The following NRG1 variants were observed in gnomAD, a reference collection of about 807,000 sequenced individuals.
NRG1 encodes pro-neuregulin-1, membrane-bound isoform.
NRG1 carries 18 observed loss-of-function variants against 63.8 expected under a neutral mutation model. The ratio of observed to expected loss-of-function variants is 0.28; its 90% confidence interval spans 0.19 to 0.42. NRG1 has a LOEUF of 0.42. Among genes scored for constraint, NRG1 ranks in the 10% least tolerant of loss-of-function variants. The pLI is 1.00. For missense variants in NRG1, 762 were observed against 814.7 expected (o/e 0.94, Z 0.79); for synonymous variants, 302 against 301.3 (o/e 1.00, Z -0.02).
intron 1 of NRG1, among the ~76,000 whole-genome samples, chr8:32,292,064 T>C (rs1854268157): frequency 6.6e-6 from 1 of 152,136 alleles, no homozygotes; most frequent in Non-Finnish European, 1.5e-5. Context: ...ATCAGCAACA[T>C]TACATGTGCA....
intron 1 of NRG1, among the ~76,000 whole-genome samples, chr8:32,225,871 ATAAT>A (rs1478923409): frequency 2.6e-5 from 4 of 152,124 alleles, no homozygotes; most frequent in African/African-American, 9.7e-5. Context: ...AATAAATTGC[ATAAT>A]TAGTCAGTTT....
intron 1 of NRG1, among the ~76,000 whole-genome samples, chr8:31,715,014 TTA>T (rs1278037577): frequency 6.6e-6 from 1 of 152,206 alleles, no homozygotes; most frequent in African/African-American, 2.4e-5. Flanking sequence ...AAGAATATTT[TTA>T]TGTCTGCATT....
chr8:32,235,931 GT>G (rs1392282281), intron 1 of NRG1, among the ~76,000 whole-genome samples: 1 of 152,152 alleles, frequency 6.6e-6, no homozygotes, highest in African/African-American at 2.4e-5. Flanking sequence ...GCAAATTAAT[GT>G]TTGATGACCG....
At chr8:32,262,887 T>G (rs1850538412) in intron 1 of NRG1, among the ~76,000 whole-genome samples, 1 of 152,216 alleles carries the variant, frequency 6.6e-6, no homozygotes, top group Admixed American at 6.5e-5. Context: ...CATGAGAGTT[T>G]GCCAAGCTAA....
intron 1 of NRG1, among the ~76,000 whole-genome samples, chr8:32,316,474 A>C (rs1459550409): frequency 3.6e-5 from 1 of 27,536 alleles, no homozygotes; most frequent in African/African-American, 6.8e-5. Flanking sequence ...GACTCCATCA[A>C]AAAAAAAAAA....
intron 2 of NRG1, among the ~76,000 whole-genome samples, chr8:32,603,562 C>T (rs1416343743): frequency 2.0e-5 from 3 of 152,156 alleles, no homozygotes; most frequent in Non-Finnish European, 4.4e-5. Context: ...ACTGCAACCT[C>T]TGCCTCCCGG....
intron 5 of NRG1, among the ~76,000 whole-genome samples, chr8:32,692,950 A>C (rs1004323224): frequency 1.1e-4 from 17 of 152,164 alleles, no homozygotes; most frequent in Admixed American, 1.1e-3. Flanking sequence ...ACATTACTAC[A>C]CTTATCAGGG....
intron 1 of NRG1, among the ~76,000 whole-genome samples, chr8:32,168,352 T>G (rs915451344): frequency 2.6e-5 from 4 of 152,202 alleles, no homozygotes; most frequent in Non-Finnish European, 5.9e-5. Context: ...ACAATGTGCT[T>G]TGCTGCCTGG....
chr8:32,685,591 A>G (rs1299171242), intron 5 of NRG1, among the ~76,000 whole-genome samples: 2 of 152,222 alleles, frequency 1.3e-5, no homozygotes, highest in African/African-American at 4.8e-5. Context: ...ATCTTCATGT[A>G]TAGTGTGTCA....
At chr8:32,027,069 A>T (rs968833840) in intron 1 of NRG1, among the ~76,000 whole-genome samples, 1 of 151,916 alleles carries the variant, frequency 6.6e-6, no homozygotes, top group Non-Finnish European at 1.5e-5. Context: ...TTATCATCTA[A>T]TTCTGTTATT....
chr8:32,494,169 G>A (rs1162151322), intron 1 of NRG1, among the ~76,000 whole-genome samples: 2 of 152,116 alleles, frequency 1.3e-5, no homozygotes, highest in African/African-American at 4.8e-5. Context: ...CTTTTAAGAT[G>A]CTGATTTATA....
chr8:32,061,234 T>C (rs575007258), intron 1 of NRG1, among the ~76,000 whole-genome samples: 4 of 152,096 alleles, frequency 2.6e-5, no homozygotes, highest in African/African-American at 9.6e-5. Flanking sequence ...TCTGAATTCT[T>C]TGATAACATG....
At chr8:32,044,912 G>GAAAAAAAA (rs1563719018) in intron 1 of NRG1, among the ~76,000 whole-genome samples, 4 of 3,678 alleles carry the variant, frequency 1.1e-3, no homozygotes, top group Non-Finnish European at 1.9e-3. Flanking sequence ...ATAAAGAAAA[G>GAAAAAAAA]CAAAAAAAAA....
intron 1 of NRG1, among the ~76,000 whole-genome samples, chr8:32,594,534 G>A (rs985821839): frequency 6.6e-6 from 1 of 152,074 alleles, no homozygotes; most frequent in Non-Finnish European, 1.5e-5. Flanking sequence ...CCACATGTCC[G>A]TATTACCCAG....
intron 5 of NRG1, among the ~76,000 whole-genome samples, chr8:32,623,579 C>T (rs1371567323): frequency 6.6e-6 from 1 of 152,150 alleles, no homozygotes; most frequent in Non-Finnish European, 1.5e-5. Flanking sequence ...TTGCCCTACT[C>T]ATATTACCTC....
chr8:31,920,898 AG>A (rs1833852451), intron 1 of NRG1, among the ~76,000 whole-genome samples: 1 of 99,542 alleles, frequency 1.0e-5, no homozygotes, highest in South Asian at 3.2e-4. Flanking sequence ...ATAGATAGAT[AG>A]ATAGATAGAT....
intron 1 of NRG1, among the ~76,000 whole-genome samples, chr8:32,304,713 T>C (rs1358400599): frequency 6.6e-6 from 1 of 152,160 alleles, no homozygotes; most frequent in Non-Finnish European, 1.5e-5. Context: ...GAGAAGCTAG[T>C]CTTTAAAAGT....
At chr8:32,772,041 G>GTATATA (rs1157977487), downstream of NRG1, among the ~76,000 whole-genome samples, 71 of 10,486 alleles carry the variant, frequency 6.8e-3, no homozygotes, top group Non-Finnish European at 0.01. Flanking sequence ...AAAAAAATAT[G>GTATATA]TATATATATA....
intron 1 of NRG1, among the ~76,000 whole-genome samples, chr8:32,235,203 G>A (rs1434630866): frequency 2.4e-5 from 3 of 126,856 alleles, no homozygotes; most frequent in Non-Finnish European, 4.7e-5. Flanking sequence ...AGACCAGCCT[G>A]GGCAATATGA....
Sources: allele counts gnomAD v4.1 joint callset (sites outside exome capture counted in the v4.1 genomes callset), GRCh38; gene constraint gnomAD v4.1.1; transcripts MANE v1.5; gene names NCBI Gene and HGNC (gene_info 2026-07-23, HGNC 2026-07-21).